Variants in PRKG1 observed in about 807,000 individuals in gnomAD.
PRKG1 encodes cGMP-dependent protein kinase 1.
In PRKG1, 35 loss-of-function variants were observed where a neutral mutation model predicts 88.1. The ratio of observed to expected loss-of-function variants is 0.40; its 90% CI spans 0.30 to 0.53. The LOEUF is 0.53. Ranked by LOEUF, PRKG1 falls within the 20% of genes least tolerant of loss-of-function variation. The pLI is 0.59. For synonymous variants in PRKG1, 303 were observed against 292.5 expected (o/e 1.04, Z -0.37); for missense variants, 540 against 839.8 (o/e 0.64, Z 4.41).
chr10:51,920,601 C>T (rs1016437421), intron 5 of PRKG1, among the ~76,000 whole-genome samples: 3 of 151,958 alleles, frequency 2.0e-5, no homozygotes, highest in East Asian at 1.9e-4. Context: ...ATCTTTATAT[C>T]GCCATATAAT....
At chr10:51,857,229 G>A (rs1465312991) in intron 4 of PRKG1, among the ~76,000 whole-genome samples, 1 of 152,138 alleles carries the variant, frequency 6.6e-6, no homozygotes. Flanking sequence ...GATTAAGAAT[G>A]CCTTGAGCCA....
intron 9 of PRKG1, among the ~76,000 whole-genome samples, chr10:52,221,902 T>A (rs558869722): frequency 1.3e-5 from 2 of 152,224 alleles, no homozygotes; most frequent in Non-Finnish European, 2.9e-5. Flanking sequence ...TTGGATTAAG[T>A]GCTTTCAGAA....
chr10:51,034,159 T>C (rs1314579815), intron 1 of PRKG1, among the ~76,000 whole-genome samples: 1 of 152,192 alleles, frequency 6.6e-6, no homozygotes, highest in Non-Finnish European at 1.5e-5. Context: ...TGGCAAGCAC[T>C]CTTCATGAAC....
At chr10:51,561,247 G>A (rs1394927201) in intron 3 of PRKG1, among the ~76,000 whole-genome samples, 1 of 151,998 alleles carries the variant, frequency 6.6e-6, no homozygotes, top group Non-Finnish European at 1.5e-5. Context: ...AGAGAATCAT[G>A]TGAGCCTGGG....
At chr10:52,190,807 C>T (rs189306125) in intron 9 of PRKG1, among the ~76,000 whole-genome samples, 15 of 152,226 alleles carry the variant, frequency 9.9e-5, no homozygotes, top group Admixed American at 1.3e-4. Context: ...TAAGATTCAA[C>T]ATTTACCAAC....
chr10:52,182,862 G>T (rs890461481), intron 9 of PRKG1, among the ~76,000 whole-genome samples: 2 of 152,112 alleles, frequency 1.3e-5, no homozygotes, highest in Non-Finnish European at 2.9e-5. Flanking sequence ...TTGAAGTCAG[G>T]TAGTGTGATT....
intron 3 of PRKG1, among the ~76,000 whole-genome samples, chr10:51,640,388 A>T (rs74132542): frequency 0.03 from 4,585 of 152,030 alleles, 173 homozygotes; most frequent in African/African-American, 0.087. Flanking sequence ...TGATTTTTTT[A>T]AAAAAAATTG....
At chr10:51,668,407 ATTTGT>A (rs1233797519) in intron 3 of PRKG1, among the ~76,000 whole-genome samples, 1 of 152,146 alleles carries the variant, frequency 6.6e-6, no homozygotes, top group Non-Finnish European at 1.5e-5. Flanking sequence ...TGCTCAAACA[ATTTGT>A]TTTGTTTTGT....
intron 5 of PRKG1, among the ~76,000 whole-genome samples, chr10:51,983,615 T>C (rs1034982821): frequency 3.3e-5 from 5 of 152,142 alleles, no homozygotes; most frequent in Non-Finnish European, 7.4e-5. Context: ...TAGGAACAAG[T>C]TGAGCCTGGG....
intron 1 of PRKG1, among the ~76,000 whole-genome samples, chr10:51,141,183 C>A (rs998639983): frequency 6.6e-6 from 1 of 152,176 alleles, no homozygotes; most frequent in Non-Finnish European, 1.5e-5. Flanking sequence ...TAGCTGGAGG[C>A]CTTCACACAG....
intron 3 of PRKG1, among the ~76,000 whole-genome samples, chr10:51,615,132 AATATATTCAACTTTGAATATATCCCATT>A (rs1564573768): frequency 1.3e-5 from 2 of 151,042 alleles, no homozygotes; most frequent in Non-Finnish European, 3.0e-5. Flanking sequence ...TCCATCTTTG[AATATATTCAACTTTGAATATATCCCATT>A]ATCTCCTGGC....
At chr10:51,071,018 C>A (rs1267650521), upstream of PRKG1, among the ~76,000 whole-genome samples, 2 of 152,164 alleles carry the variant, frequency 1.3e-5, no homozygotes, top group Non-Finnish European at 1.5e-5. Flanking sequence ...TACTCTATCC[C>A]TGAAGGAATC....
intron 1 of PRKG1, among the ~76,000 whole-genome samples, chr10:51,113,728 T>TAAAAAAA (rs59764267): frequency 1.1e-5 from 1 of 92,440 alleles, no homozygotes; most frequent in Non-Finnish European, 2.3e-5. Context: ...GCATTCTATT[T>TAAAAAAA]AAAAAAAAAA....
intron 5 of PRKG1, among the ~76,000 whole-genome samples, chr10:51,993,351 T>C (rs906446235): frequency 3.3e-5 from 5 of 152,146 alleles, no homozygotes; most frequent in African/African-American, 1.2e-4. Flanking sequence ...TGCCTGCCTC[T>C]CTTCACAGAA....
intron 6 of PRKG1, among the ~76,000 whole-genome samples, chr10:52,059,276 A>G (rs1846179621): frequency 6.6e-6 from 1 of 151,980 alleles, no homozygotes; most frequent in African/African-American, 2.4e-5. Context: ...ATAAAGTTAA[A>G]TAAACATTTA....
At chr10:51,760,435 C>A (rs1376888400) in intron 3 of PRKG1, among the ~76,000 whole-genome samples, 1 of 151,432 alleles carries the variant, frequency 6.6e-6, no homozygotes, top group Non-Finnish European at 1.5e-5. Flanking sequence ...TCCCTGTGAC[C>A]ACTTATTCAT....
At chr10:51,890,062 A>G (rs1841679072) in intron 4 of PRKG1, among the ~76,000 whole-genome samples, 1 of 152,108 alleles carries the variant, frequency 6.6e-6, no homozygotes. Context: ...CTTTAGTTTA[A>G]TTAGATCCCA....
At chr10:51,535,513 GT>G (rs1344153021) in intron 3 of PRKG1, among the ~76,000 whole-genome samples, 1 of 152,142 alleles carries the variant, frequency 6.6e-6, no homozygotes, top group East Asian at 1.9e-4. Flanking sequence ...CATCAAACAA[GT>G]TTTGAAGCAG....
chr10:51,119,845 C>T (rs1288936552), intron 1 of PRKG1, among the ~76,000 whole-genome samples: 1 of 151,938 alleles, frequency 6.6e-6, no homozygotes, highest in Non-Finnish European at 1.5e-5. Context: ...AGTCAATGTT[C>T]TAGAAAAATT....
Sources: allele counts gnomAD v4.1 joint callset (sites outside exome capture counted in the v4.1 genomes callset), GRCh38; gene constraint gnomAD v4.1.1; transcripts MANE v1.5; gene names NCBI Gene and HGNC (gene_info 2026-07-23, HGNC 2026-07-21).